The following DOCK10 variants were observed in gnomAD, a reference collection of about 807,000 sequenced individuals.
DOCK10 encodes dedicator of cytokinesis protein 10.
DOCK10 carries 145 observed loss-of-function variants against 280.1 expected under a neutral mutation model. The observed-to-expected ratio is 0.52, with a 90% CI of 0.45 to 0.59. The LOEUF is 0.59. Among genes scored for constraint, DOCK10 ranks in the 20% least tolerant of loss-of-function variants. The pLI is 0.00. For missense variants in DOCK10, 2,368 were observed against 2,651.7 expected (o/e 0.89, Z 2.35); for synonymous variants, 915 against 942.2 (o/e 0.97, Z 0.53).
At chr2:224,999,286 C>G (rs1347510326) in intron 1 of DOCK10, among the ~76,000 whole-genome samples, 1 of 151,686 alleles carries the variant, frequency 6.6e-6, no homozygotes, top group African/African-American at 2.4e-5. Flanking sequence ...CTATGTTGCC[C>G]ACGCTGCATT....
intron 28 of DOCK10, among the ~76,000 whole-genome samples, chr2:224,821,786 A>G (rs1356664672): frequency 6.6e-6 from 1 of 152,204 alleles, no homozygotes; most frequent in Non-Finnish European, 1.5e-5. Context: ...AACTATTAGC[A>G]TAGCAATAAA....
At chr2:224,804,039 CCT>C in intron 39 of DOCK10, 71 bp downstream of exon 39, 1 of 756,402 alleles carries the variant, frequency 1.3e-6, no homozygotes, top group Non-Finnish European at 2.2e-6. Flanking sequence ...TGTGTCTACC[CCT>C]GACATGTGCA....
chr2:224,904,583 T>A (rs1700478046), intron 3 of DOCK10, among the ~76,000 whole-genome samples: 1 of 152,176 alleles, frequency 6.6e-6, no homozygotes, highest in Admixed American at 6.5e-5. Context: ...ATATGAGTCA[T>A]TCATTTGCTG....
At chr2:225,019,973 T>C (rs1020161281) in intron 1 of DOCK10, among the ~76,000 whole-genome samples, 2 of 152,232 alleles carry the variant, frequency 1.3e-5, no homozygotes, top group Non-Finnish European at 2.9e-5. Context: ...ATATTTGTGA[T>C]CTATATGTTG....
intron 1 of DOCK10, among the ~76,000 whole-genome samples, chr2:224,958,829 G>A (rs1438614620): frequency 1.3e-5 from 2 of 152,162 alleles, no homozygotes; most frequent in Non-Finnish European, 2.9e-5. Flanking sequence ...CCAATTTGAT[G>A]TTGTGAACAG....
intron 1 of DOCK10, among the ~76,000 whole-genome samples, chr2:225,026,091 A>G (rs2106112906): frequency 6.6e-6 from 1 of 152,144 alleles, no homozygotes; most frequent in East Asian, 1.9e-4. Flanking sequence ...AGAAGAGAAA[A>G]AAGGAAGTGT....
At chr2:224,959,180 TA>T (rs1423631410) in intron 1 of DOCK10, among the ~76,000 whole-genome samples, 3 of 152,186 alleles carry the variant, frequency 2.0e-5, no homozygotes, top group Non-Finnish European at 4.4e-5. Context: ...TTTTTTCTTT[TA>T]GGCAGAGTGC....
rs774202418 is a variant in DOCK10, at chr2:224,804,207, A to T, written c.4173T>A (p.Ile1391=). The T allele has an allele frequency of 6.2e-7, 1 of 1,606,652 alleles. No homozygotes were observed. Among genetic ancestry groups the T allele is most frequent in the Non-Finnish European group, 8.5e-7 (1 of 1,175,030 alleles). The part of the protein sequence containing the change: ...YLGKRNIIRK[I]AAAFKFVQST... ...ACTGCACAAATTTAAATGCAGCAGC[A>T]ATTTTTCTGCAATGAAAATGGAAGT... Residue 1391 remains isoleucine, a synonymous_variant, in exon 39 of 56, where the codon ATT becomes ATA. Coordinates refer to ENST00000258390, the MANE Select transcript of DOCK10 (RefSeq NM_014689.3).
intron 33 of DOCK10, 124 bp from the exon 34 acceptor site, chr2:224,806,361 A>G (rs1162137436): frequency 1.8e-6 from 1 of 541,602 alleles, no homozygotes; most frequent in Non-Finnish European, 3.2e-6. Context: ...ATATCCCCTT[A>G]CAGGTTTTCT....
intron 1 of DOCK10, among the ~76,000 whole-genome samples, chr2:225,018,532 A>AAGG (rs1559965806): frequency 0.051 from 1,827 of 36,008 alleles, 482 homozygotes; most frequent in Non-Finnish European, 0.068. Context: ...TATAATATAT[A>AAGG]TGTAATATTA....
Position 224,770,596 on chromosome 2 carries a change from T to C in DOCK10, c.6254A>G (p.Asn2085Ser), listed in dbSNP as rs754801101. ...TTGGTTGTCAGGGTACTTCTTTGCATTGGTTTCTTCAAGAAAAGCTCGTGC... is the reference window on the plus strand; with the variant it reads ...TTGGTTGTCAGGGTACTTCTTTGCACTGGTTTCTTCAAGAAAAGCTCGTGC... ...AYARAFLEET[N>S]AKKYPDNQVK... The change falls in exon 54 of 56, where the codon AAT becomes AGT. Residue 2085 changes from asparagine (N) to serine (S), a missense_variant. Asn to Ser is a conservative substitution (Grantham distance 46, BLOSUM62 1). Around this residue, in one of 2 missense-constraint regions of DOCK10, gnomAD observed 1,159 missense variants for 1,400.8 expected, o/e 0.83. Transcript: ENST00000258390. This position sits in a 1 kb window ranked among gnomAD's most constrained non-coding sequence, Gnocchi z 4.5. 1.4e-5 allele frequency: 23 copies of C among 1,613,892 alleles called. No individual in the cohort carries two copies. The highest frequency in any genetic ancestry group is 5.0e-5 in the Admixed American group (3 of 60,008).
rs1164635469 is a variant in DOCK10, at chr2:224,834,091, G to C, written c.2964+59C>G. The C allele has an allele frequency of 1.1e-5, 11 of 971,716 alleles. No individual in the cohort carries two copies. In the South Asian group the frequency reaches 1.5e-4, roughly 13 times the overall value. The allele number at this position is 971,716 out of a possible 1,614,324, so 60.2% of individuals were successfully genotyped here. ...AATCCATGACTCCTATCATTTTCCA[G>C]GAGTAAGCGTGACCCATGCCTAGTA... is the stretch of plus-strand genomic sequence containing the variant. On this transcript the variant is annotated intron_variant, in intron 26 of 55. Transcript: ENST00000258390.
intron 50 of DOCK10, among the ~76,000 whole-genome samples, chr2:224,785,072 C>A (rs1346595889): frequency 7.3e-6 from 1 of 136,724 alleles, no homozygotes; most frequent in Non-Finnish European, 1.6e-5. Flanking sequence ...TCCCACATCC[C>A]CTTCCCGACT....
intron 27 of DOCK10, among the ~76,000 whole-genome samples, chr2:224,824,949 G>C (rs1694742295): frequency 6.6e-6 from 1 of 151,526 alleles, no homozygotes; most frequent in Non-Finnish European, 1.5e-5. Flanking sequence ...AATTTAACGG[G>C]ATGTTGGAGC....
chr2:224,850,053 T>C (rs1350538818), intron 18 of DOCK10, among the ~76,000 whole-genome samples: 2 of 152,176 alleles, frequency 1.3e-5, no homozygotes, highest in East Asian at 3.8e-4. Context: ...AGGTTTCTCC[T>C]AGGACCTCAT....
intron 7 of DOCK10, among the ~76,000 whole-genome samples, chr2:224,879,737 T>TGA (rs1328477614): frequency 6.6e-6 from 1 of 151,696 alleles, no homozygotes; most frequent in Non-Finnish European, 1.5e-5. Context: ...CCAGCCTGGG[T>TGA]GACAGAGCGA....
At position 224,770,424 on chromosome 2, in the gene DOCK10, A is replaced by G. The variant is rs1247481688; in HGVS notation, c.6306-75T>C. The G allele has an allele frequency of 2.4e-5, 38 of 1,561,022 alleles. No individual in the cohort carries two copies. Among genetic ancestry groups the G allele is most frequent in the Non-Finnish European group, 3.0e-5 (35 of 1,149,940 alleles). Reference sequence around the variant, plus strand: ...TTGAGCTCAGTGACTGTGAGTTCAGAGTCAGGCTGCTGATGGACTCTGCCA... The same window carrying G: ...TTGAGCTCAGTGACTGTGAGTTCAGGGTCAGGCTGCTGATGGACTCTGCCA... On this transcript the variant is annotated intron_variant, in intron 54 of 55. Coordinates refer to ENST00000258390, the MANE Select transcript of DOCK10 (RefSeq NM_014689.3). This position sits in a 1 kb window ranked among gnomAD's most constrained non-coding sequence, Gnocchi z 4.5.
chr2:224,783,391 C>T (rs1159947706), intron 50 of DOCK10, among the ~76,000 whole-genome samples: 13 of 151,810 alleles, frequency 8.6e-5, no homozygotes, highest in Non-Finnish European at 2.9e-5. Flanking sequence ...TCTCCTGCTT[C>T]AGCCTCCCGA....
At position 224,844,818 on chromosome 2, in the gene DOCK10, A is replaced by G. The variant is rs772471912; in HGVS notation, c.2503T>C (p.Trp835Arg). The change falls in exon 22 of 56, where the codon TGG becomes CGG. Residue 835 changes from tryptophan (W) to arginine (R), a missense_variant. By Grantham distance (101) the Trp-to-Arg change is moderately radical. Around this residue, in one of 2 missense-constraint regions of DOCK10, gnomAD observed 1,209 missense variants for 1,250.9 expected, o/e 0.97. Transcript: ENST00000258390. ...AAAAGTGGTTTGCCACCATCAACCC[A>G]TTTAATGTCACTCCCACCATGCTGC... ...SGKHGGSDIKWVDGGKPLFKV... is the reference protein window; with the variant it reads ...SGKHGGSDIKRVDGGKPLFKV... The G allele has an allele frequency of 1.2e-6, 2 of 1,607,956 alleles. No individual in the cohort carries two copies. Among genetic ancestry groups the G allele is most frequent in the Admixed American group, 3.4e-5 (2 of 59,362 alleles).
Sources: gnomAD v4.1 joint callset for allele counts (sites outside exome capture counted in the v4.1 genomes callset) on GRCh38, gnomAD v4.1.1 for gene constraint, gnomAD v4.1.1 regional missense constraint, Gnocchi (gnomAD v3.1) non-coding constraint, MANE v1.5 for transcripts, NCBI Gene and HGNC (gene_info 2026-07-23, HGNC 2026-07-21) for gene names.